Variants in RNF220 observed in about 807,000 individuals in gnomAD.
The protein encoded by RNF220 is ring finger protein 220.
A neutral mutation model predicts 67.1 loss-of-function variants in RNF220; 7 were observed. The observed-to-expected ratio is 0.10, with a 90% CI of 0.06 to 0.20. RNF220 has a LOEUF of 0.20. Among genes scored for constraint, RNF220 ranks in the 10% least tolerant of loss-of-function variants. The pLI is 1.00. For missense variants in RNF220, 565 were observed against 740.3 expected (o/e 0.76, Z 2.75); for synonymous variants, 270 against 283.2 (o/e 0.95, Z 0.47).
chr1:44,488,670 A>C (rs2792597), intron 2 of RNF220, among the ~76,000 whole-genome samples: 139,121 of 151,358 alleles, frequency 0.92, 64,839 homozygotes, highest in East Asian at 1. Context: ...GTACACATGA[A>C]CAACTGAAAC....
intron 2 of RNF220, among the ~76,000 whole-genome samples, chr1:44,570,584 C>T (rs1378691319): frequency 6.6e-6 from 1 of 152,206 alleles, no homozygotes; most frequent in Non-Finnish European, 1.5e-5. Flanking sequence ...TATTTCACCT[C>T]TGAGTCTTGG....
At chr1:44,611,385 G>A (rs538835270) in intron 2 of RNF220, among the ~76,000 whole-genome samples, 1 of 152,336 alleles carries the variant, frequency 6.6e-6, no homozygotes, top group Non-Finnish European at 1.5e-5. Flanking sequence ...CTTGGAGTGA[G>A]ACATCTGGGC....
intron 2 of RNF220, among the ~76,000 whole-genome samples, chr1:44,447,604 G>A (rs1430358798): frequency 3.9e-5 from 6 of 152,174 alleles, no homozygotes; most frequent in Admixed American, 6.5e-5. Flanking sequence ...ATATGTAGCC[G>A]CCATGGATGA....
rs1333679968 is a variant in RNF220 at position 44,412,655 on chromosome 1, T to G, written c.558T>G (p.Ile186Met). Residue 186 changes from isoleucine (I) to methionine (M), a missense_variant, in exon 2 of 15, where the codon ATT becomes ATG. By Grantham distance (10) the Ile-to-Met change is conservative. Coordinates refer to ENST00000361799, the MANE Select transcript of RNF220 (RefSeq NM_018150.4). The surrounding 1 kb of genome is among the most constrained non-coding windows in gnomAD (Gnocchi z 5.3). ...AGGTTGATGACACTGGGAAGAAGAT[T>G]TTTGCTGTCTCTGGCCTCATTTCTG... The part of the protein sequence containing the change: ...SLKVDDTGKK[I>M]FAVSGLISDR... The G allele has an allele frequency of 6.2e-7, 1 of 1,614,100 alleles. No homozygotes were observed. The highest frequency in any genetic ancestry group is 8.5e-7 in the Non-Finnish European group (1 of 1,180,026).
At chr1:44,428,024 A>G (rs1030580149) in intron 2 of RNF220, among the ~76,000 whole-genome samples, 9 of 152,080 alleles carry the variant, frequency 5.9e-5, no homozygotes, top group Non-Finnish European at 8.8e-5. Context: ...AAATCTTCCA[A>G]TTGATATTCA....
intron 2 of RNF220, among the ~76,000 whole-genome samples, chr1:44,489,453 G>A (rs1255118054): frequency 1.3e-5 from 2 of 152,194 alleles, no homozygotes; most frequent in East Asian, 1.9e-4. Flanking sequence ...GGAGCTCCTC[G>A]TATTCTTTGA....
chr1:44,480,742 T>C (rs1655725456), intron 2 of RNF220, among the ~76,000 whole-genome samples: 1 of 151,764 alleles, frequency 6.6e-6, no homozygotes, highest in Admixed American at 6.6e-5. Context: ...AAAAATTAGC[T>C]GGGCATGGTG....
intron 2 of RNF220, among the ~76,000 whole-genome samples, chr1:44,524,615 C>T (rs181174554): frequency 4.6e-5 from 7 of 152,292 alleles, no homozygotes; most frequent in Non-Finnish European, 1.0e-4. Flanking sequence ...TCTCTTCCTC[C>T]GCATCTCTCC....
chr1:44,565,010 G>T lies in RNF220; in HGVS notation c.626-49155G>T, dbSNP rs115859107. Reference sequence around the variant, plus strand: ...TATCCCCTGCACATAGCATGGGCCTGGCCTGAATCAACTCTATCCTTAGCA... The same window carrying T: ...TATCCCCTGCACATAGCATGGGCCTTGCCTGAATCAACTCTATCCTTAGCA... On this transcript the variant is annotated intron_variant, in intron 2 of 14. Coordinates refer to ENST00000361799, the MANE Select transcript of RNF220 (RefSeq NM_018150.4). This position sits in a 1 kb window ranked among gnomAD's most constrained non-coding sequence, Gnocchi z 4.2. Among the ~76,000 whole-genome samples the T allele has an allele frequency of 3.2e-3, 488 of 150,410 alleles. 3 individuals carry two copies. The highest frequency in any genetic ancestry group is 0.011 in the African/African-American group (473 of 41,148).
intron 2 of RNF220, among the ~76,000 whole-genome samples, chr1:44,457,953 C>CT (rs905308030): frequency 3.2e-4 from 49 of 152,184 alleles, no homozygotes; most frequent in African/African-American, 1.2e-3. Flanking sequence ...TTGGCTTCGG[C>CT]TTCTTTACAA....
intron 2 of RNF220, among the ~76,000 whole-genome samples, chr1:44,487,619 G>C (rs918238393): frequency 4.7e-5 from 7 of 150,270 alleles, no homozygotes; most frequent in Non-Finnish European, 8.9e-5. Context: ...GATCACTTGA[G>C]GTGAGGAGTT....
chr1:44,405,403 CG>C lies in RNF220; in HGVS notation c.-244del. ...CTGCTGCTGCTGCTGCTGCCGCTGCCGCCGCCGCCGCCGCCGCTGCCTCCGC... is the reference window on the plus strand; with the variant it reads ...CTGCTGCTGCTGCTGCTGCCGCTGCCCCGCCGCCGCCGCCGCTGCCTCCGC... On this transcript the variant is annotated 5_prime_UTR_variant, in exon 1 of 15. It introduces an in-frame stop codon into an upstream open reading frame of the 5' UTR. Transcript: ENST00000361799. 1.8e-6 allele frequency: 1 copy of C among 541,608 alleles called. No homozygotes were observed. The highest frequency in any genetic ancestry group is 2.8e-5 in the Admixed American group (1 of 35,306). 33.6% of individuals were successfully genotyped at this position (541,608 alleles called of 1,614,324 possible).
intron 2 of RNF220, among the ~76,000 whole-genome samples, chr1:44,563,894 C>G (rs748026215): frequency 2.0e-5 from 3 of 152,212 alleles, no homozygotes; most frequent in Non-Finnish European, 2.9e-5. Flanking sequence ...TTTCCCAGAG[C>G]TGACATCTCT....
At chr1:44,488,172 G>A (rs1394296733) in intron 2 of RNF220, among the ~76,000 whole-genome samples, 1 of 141,124 alleles carries the variant, frequency 7.1e-6, no homozygotes, top group Non-Finnish European at 1.5e-5. Flanking sequence ...GTCTCACTCT[G>A]TTGCCCAAGT....
chr1:44,619,603 T>C (rs1643708111), intron 3 of RNF220, among the ~76,000 whole-genome samples: 1 of 152,204 alleles, frequency 6.6e-6, no homozygotes, highest in African/African-American at 2.4e-5. Context: ...AATATTGTAC[T>C]TAGGAATGCG....
chr1:44,645,031 G>C lies in RNF220; in HGVS notation c.1260G>C (p.Glu420Asp). 1 of 1,614,160 alleles carries C rather than the reference G, an allele frequency of 6.2e-7. No individual in the cohort carries two copies. ...TEADVIPCTG[E>D]EPGEAKEREA... ...CTGATGTCATCCCCTGCACAGGCGA[G>C]GAGCCTGGTGAAGCCAAGGAGAGAG... The change falls in exon 10 of 15, where the codon GAG becomes GAC. Residue 420 changes from glutamate to aspartate, a missense_variant. Transcript: ENST00000361799. The surrounding 1 kb of genome is among the most constrained non-coding windows in gnomAD (Gnocchi z 5.0).
intron 2 of RNF220, among the ~76,000 whole-genome samples, chr1:44,541,931 A>G (rs750269116): frequency 6.6e-6 from 1 of 152,214 alleles, no homozygotes; most frequent in Non-Finnish European, 1.5e-5. Flanking sequence ...TTAACTTCAG[A>G]ATGCCCCCGG....
chr1:44,525,245 G>A (rs1660274866), intron 2 of RNF220, among the ~76,000 whole-genome samples: 1 of 152,208 alleles, frequency 6.6e-6, no homozygotes, highest in African/African-American at 2.4e-5. Flanking sequence ...CCTGGCTTTG[G>A]TGCCAGGACT....
At chr1:44,530,528 C>A (rs1375565555) in intron 2 of RNF220, among the ~76,000 whole-genome samples, 1 of 25,392 alleles carries the variant, frequency 3.9e-5, no homozygotes, top group Non-Finnish European at 8.6e-5. Flanking sequence ...GGAGTCAAAT[C>A]TGCAAAAAAA....
Sources: gnomAD v4.1 joint callset for allele counts (sites outside exome capture counted in the v4.1 genomes callset) on GRCh38, gnomAD v4.1.1 for gene constraint, Gnocchi (gnomAD v3.1) non-coding constraint, MANE v1.5 for transcripts, NCBI Gene and HGNC (gene_info 2026-07-23, HGNC 2026-07-21) for gene names.